The following SLC44A5 variants were observed in gnomAD, a reference collection of about 807,000 sequenced individuals.
SLC44A5 encodes the protein choline transporter-like protein 5.
SLC44A5 carries 57 observed loss-of-function variants against 101.8 expected under a neutral mutation model. That is an observed-to-expected ratio of 0.56 (90% CI 0.45 to 0.70). SLC44A5 has a LOEUF of 0.70. SLC44A5 is among the 30% of genes least tolerant of loss of function. SLC44A5 has a pLI of 0.00. For missense variants in SLC44A5, 737 were observed against 853.1 expected, an observed-to-expected ratio of 0.86 and a Z score of 1.70; for synonymous variants, 281 against 290.9, an observed-to-expected ratio of 0.97 and a Z score of 0.35.
chr1:75,318,403 GAAA>G (rs1655873918), intron 4 of SLC44A5, among the ~76,000 whole-genome samples: 1 of 148,844 alleles, frequency 6.7e-6, no homozygotes, highest in African/African-American at 2.5e-5. Context: ...AAGAAAGAAA[GAAA>G]GAAAGAAAGA....
intron 23 of SLC44A5, 125 bp from the exon 24 acceptor site, chr1:75,203,958 T>C: frequency 1.7e-6 from 2 of 1,190,166 alleles, no homozygotes; most frequent in South Asian, 3.9e-5. Flanking sequence ...TTTGTTGTTG[T>C]TTTTTAAACA....
At chr1:75,400,481 C>G (rs1338621938) in intron 2 of SLC44A5, among the ~76,000 whole-genome samples, 1 of 152,198 alleles carries the variant, frequency 6.6e-6, no homozygotes, top group East Asian at 1.9e-4. Context: ...CTTCAGGAAT[C>G]AAACCCAAAG....
chr1:75,661,416 C>T, the SLC44A5 span, among the ~76,000 whole-genome samples: 2 of 48,752 alleles, frequency 4.1e-5, no homozygotes, highest in Admixed American at 2.1e-4. Context: ...AAAAAAAAAA[C>T]ACCATGGAAA....
the SLC44A5 span, among the ~76,000 whole-genome samples, chr1:75,633,503 A>G: frequency 6.6e-6 from 1 of 152,150 alleles, no homozygotes; most frequent in Non-Finnish European, 1.5e-5. Flanking sequence ...GAGTTTACTC[A>G]TGATTTGGCT....
chr1:75,484,150 T>A (rs1238876259), intron 2 of SLC44A5, among the ~76,000 whole-genome samples: 1 of 152,182 alleles, frequency 6.6e-6, no homozygotes, highest in Non-Finnish European at 1.5e-5. Context: ...ATATCAATCA[T>A]GCCTTCCCAA....
chr1:75,314,131 G>A (rs759553242), intron 4 of SLC44A5, among the ~76,000 whole-genome samples: 6 of 152,030 alleles, frequency 3.9e-5, no homozygotes, highest in South Asian at 2.1e-4. Context: ...GTTTAAAGAC[G>A]TTGGTCTTTA....
chr1:75,672,185 G>A, the SLC44A5 span, among the ~76,000 whole-genome samples: 3 of 152,054 alleles, frequency 2.0e-5, no homozygotes, highest in African/African-American at 4.8e-5. Flanking sequence ...GAAAAGAGGC[G>A]CTGAAAAAGG....
Position 75,589,040 on chromosome 1 carries a change from A to C in SLC44A5, c.-70+22000T>G, listed in dbSNP as rs964871724. Among the ~76,000 whole-genome samples the C allele has an allele frequency of 2.3e-4, 35 of 152,174 alleles. 1 individual carries two copies. Among genetic ancestry groups the C allele is most frequent in the African/African-American group, 8.0e-4 (33 of 41,440 alleles). ...AAGTGAAAACCCCTTTCTTCCACAAAAGAAGTTAGAAGTCAACGTTAAGTT... is the reference window on the plus strand; with the variant it reads ...AAGTGAAAACCCCTTTCTTCCACAACAGAAGTTAGAAGTCAACGTTAAGTT... On this transcript the variant is annotated intron_variant, in intron 1 of 23. Coordinates refer to ENST00000370859, the MANE Select transcript of SLC44A5 (RefSeq NM_001130058.2).
chr1:75,567,633 C>T (rs551348431), intron 1 of SLC44A5, among the ~76,000 whole-genome samples: 8 of 152,176 alleles, frequency 5.3e-5, no homozygotes, highest in African/African-American at 1.9e-4. Flanking sequence ...ACCACTTCTA[C>T]CAGTCACTAA....
chr1:75,642,453 G>C, the SLC44A5 span, among the ~76,000 whole-genome samples: 2 of 152,060 alleles, frequency 1.3e-5, no homozygotes, highest in Admixed American at 1.3e-4. Flanking sequence ...TTTCATTCTG[G>C]AGGCAGGGCT....
intron 3 of SLC44A5, among the ~76,000 whole-genome samples, chr1:75,347,620 G>A (rs190394493): frequency 1.3e-3 from 194 of 152,092 alleles, no homozygotes; most frequent in African/African-American, 4.5e-3. Context: ...CTGTTATTGA[G>A]AGAGAGAGAA....
At chr1:75,471,425 C>A (rs1667105442) in intron 2 of SLC44A5, among the ~76,000 whole-genome samples, 1 of 150,856 alleles carries the variant, frequency 6.6e-6, no homozygotes, top group Non-Finnish European at 1.5e-5. Context: ...ACACACACAC[C>A]CATGAATTAA....
the SLC44A5 span, among the ~76,000 whole-genome samples, chr1:75,716,982 C>A: frequency 1.8e-3 from 275 of 151,582 alleles, no homozygotes; most frequent in Non-Finnish European, 3.1e-3. Flanking sequence ...TGCAGTGAGC[C>A]GAGATCGCGC....
At chr1:75,404,901 C>A (rs1029794758) in intron 2 of SLC44A5, among the ~76,000 whole-genome samples, 3 of 152,184 alleles carry the variant, frequency 2.0e-5, no homozygotes, top group Non-Finnish European at 4.4e-5. Flanking sequence ...CACAGACTGG[C>A]AAATTGGATA....
chr1:75,621,278 C>T, the SLC44A5 span, among the ~76,000 whole-genome samples: 1 of 152,070 alleles, frequency 6.6e-6, no homozygotes, highest in Non-Finnish European at 1.5e-5. Flanking sequence ...AGACACAGAA[C>T]TGAAATGGTA....
chr1:75,684,333 C>T, the SLC44A5 span, among the ~76,000 whole-genome samples: 2 of 152,170 alleles, frequency 1.3e-5, no homozygotes, highest in Admixed American at 1.3e-4. Context: ...CATGTACTCA[C>T]ATTTCAAAGC....
the SLC44A5 span, among the ~76,000 whole-genome samples, chr1:75,684,892 G>A: frequency 6.6e-6 from 1 of 152,156 alleles, no homozygotes; most frequent in African/African-American, 2.4e-5. Flanking sequence ...TTCTGTGTGG[G>A]GCTCTGACCC....
intron 4 of SLC44A5, among the ~76,000 whole-genome samples, chr1:75,303,759 A>T (rs1179844661): frequency 6.6e-6 from 1 of 152,234 alleles, no homozygotes; most frequent in African/African-American, 2.4e-5. Flanking sequence ...TCACACCTTA[A>T]GGTGTTTGGA....
chr1:75,512,747 T>G (rs577794375), intron 2 of SLC44A5, among the ~76,000 whole-genome samples: 1 of 152,284 alleles, frequency 6.6e-6, no homozygotes, highest in Admixed American at 6.5e-5. Context: ...AGAAGGCAGT[T>G]GGTAAGATTC....
Sources: allele counts gnomAD v4.1 joint callset (sites outside exome capture counted in the v4.1 genomes callset), GRCh38; gene constraint gnomAD v4.1.1; transcripts MANE v1.5; gene names NCBI Gene and HGNC (gene_info 2026-07-23, HGNC 2026-07-21).